HEXB: variants seen among roughly 807,000 people sequenced by gnomAD.
HEXB encodes beta-hexosaminidase subunit beta.
Under a neutral mutation model 71.2 loss-of-function variants are expected in HEXB, and 51 were observed. That is an observed-to-expected ratio of 0.72 (90% CI 0.57 to 0.90). The LOEUF (loss-of-function observed/expected upper bound fraction) is 0.90. HEXB is among the 40% of genes least tolerant of loss of function. The pLI, the probability that HEXB is intolerant of heterozygous loss-of-function variation, is 0.00. For synonymous variants in HEXB, 266 were observed against 249.3 expected, an observed-to-expected ratio of 1.07 and a Z score of -0.63; for missense variants, 617 against 677.0, an observed-to-expected ratio of 0.91 and a Z score of 0.98.
intron 6 of HEXB, among the ~76,000 whole-genome samples, chr5:74,709,907 A>G (rs1749497171): frequency 6.6e-6 from 1 of 151,914 alleles, no homozygotes; most frequent in Non-Finnish European, 1.5e-5. Flanking sequence ...AATCAATAGA[A>G]AAAGAGGGAA....
upstream of HEXB, among the ~76,000 whole-genome samples, chr5:74,681,470 G>T (rs1748738200): frequency 6.6e-6 from 1 of 152,144 alleles, no homozygotes; most frequent in Non-Finnish European, 1.5e-5. Context: ...TAGGCCTGTA[G>T]TACTAACTAT....
chr5:74,718,494 T>A, intron 10 of HEXB, 131 bp downstream of exon 10: 1 of 789,402 alleles, frequency 1.3e-6, no homozygotes, highest in African/African-American at 1.7e-5. Context: ...TTGGACCTCA[T>A]AGTTCCAAGC....
chr5:74,680,477 T>A (rs1234789373), upstream of HEXB, among the ~76,000 whole-genome samples: 1 of 152,206 alleles, frequency 6.6e-6, no homozygotes, highest in Non-Finnish European at 1.5e-5. Flanking sequence ...ATCCTAGGAA[T>A]CTCACCCACA....
At chr5:74,674,184 G>T (rs1264402093) in intron 1 of HEXB, among the ~76,000 whole-genome samples, 1 of 152,164 alleles carries the variant, frequency 6.6e-6, no homozygotes. Context: ...TTTTGAGAAG[G>T]GTACATTTGA....
chr5:74,645,104 T>C (rs533656100), intron 1 of HEXB, among the ~76,000 whole-genome samples: 13 of 152,236 alleles, frequency 8.5e-5, no homozygotes, highest in African/African-American at 3.1e-4. Flanking sequence ...TGCATCCGAA[T>C]TGGTTTGATC....
intron 1 of HEXB, among the ~76,000 whole-genome samples, chr5:74,661,513 CTGTGTGTGTGTG>C (rs1179218651): frequency 0.053 from 4,485 of 84,756 alleles, 127 homozygotes; most frequent in East Asian, 0.14. Context: ...TTCTCTCTCT[CTGTGTGTGTGTG>C]TGTGTGTGTG....
intron 7 of HEXB, 78 bp downstream of exon 7, chr5:74,713,713 G>T (rs938036830): frequency 2.5e-6 from 3 of 1,188,008 alleles, no homozygotes; most frequent in Non-Finnish European, 3.7e-6. Context: ...ACCCAGGCTG[G>T]AGTGCAGTAG....
In HEXB at chr5:74,652,736, T is replaced by C. The variant is rs1748143149; in HGVS notation, c.-377+12178T>C. On this transcript the variant is annotated intron_variant, in intron 1 of 13. Transcript: ENST00000511181. This position sits in a 1 kb window ranked among gnomAD's most constrained non-coding sequence, Gnocchi z 5.4. ...TCAGGGATAGAGGCTCATCTGGTCC[T>C]CCCACATCTGCCCACAGCACCAGCT... Among the ~76,000 whole-genome samples, 1 of 152,100 alleles carries C rather than the reference T, an allele frequency of 6.6e-6. No individual in the cohort carries two copies. The highest frequency in any genetic ancestry group is 2.1e-4 in the South Asian group (1 of 4,810).
At chr5:74,665,042 G>A (rs909798461) in intron 1 of HEXB, among the ~76,000 whole-genome samples, 2 of 151,950 alleles carry the variant, frequency 1.3e-5, no homozygotes, top group African/African-American at 2.4e-5. Flanking sequence ...ACGAATCAGA[G>A]GTCTACAAAA....
At chr5:74,708,780 A>C in intron 6 of HEXB, among the ~76,000 whole-genome samples, 1 of 151,346 alleles carries the variant, frequency 6.6e-6, no homozygotes, top group East Asian at 1.9e-4. Flanking sequence ...AGGAGCACCC[A>C]GATTCATAAA....
At chr5:74,709,210 T>G (rs1348260986) in intron 6 of HEXB, among the ~76,000 whole-genome samples, 1 of 152,032 alleles carries the variant, frequency 6.6e-6, no homozygotes, top group African/African-American at 2.4e-5. Context: ...CATAACGAAA[T>G]GAAGGCAGAA....
intron 9 of HEXB, 21 bp from the exon 10 acceptor site, chr5:74,718,270 A>G (rs374166655): frequency 4.2e-6 from 6 of 1,420,496 alleles, no homozygotes; most frequent in African/African-American, 4.2e-5. Context: ...TAAAATAACT[A>G]TAATTTTTTT....
rs959458637 is a variant in HEXB, at chr5:74,652,891, C to T, written c.-377+12333C>T. Among the ~76,000 whole-genome samples, 5 of 152,204 alleles carry T rather than the reference C, an allele frequency of 3.3e-5. No homozygotes were observed. Among genetic ancestry groups the T allele is most frequent in the Non-Finnish European group, 7.3e-5 (5 of 68,048 alleles). ...CCTCTTGGGCGACTACACACATCTA[C>T]GCTAGTGACACATATCCCTTTATAT... On this transcript the variant is annotated intron_variant, in intron 1 of 13. Coordinates refer to the HEXB transcript ENST00000511181. This position sits in a 1 kb window ranked among gnomAD's most constrained non-coding sequence, Gnocchi z 5.4.
chr5:74,709,223 A>G (rs1028172536), intron 6 of HEXB, among the ~76,000 whole-genome samples: 8 of 152,244 alleles, frequency 5.3e-5, no homozygotes, highest in Admixed American at 1.3e-4. Context: ...AGGCAGAAAT[A>G]AAGATATTCT....
chr5:74,678,252 C>T (rs1252618560), intron 1 of HEXB, among the ~76,000 whole-genome samples: 2 of 151,838 alleles, frequency 1.3e-5, no homozygotes, highest in East Asian at 1.9e-4. Context: ...GAGCTGAGAT[C>T]GTGCCATTGC....
At chr5:74,705,183 C>A in intron 5 of HEXB, 36 bp from the exon 6 acceptor site, 1 of 1,120,988 alleles carries the variant, frequency 8.9e-7, no homozygotes, top group Non-Finnish European at 1.4e-6. Context: ...TATATGATAT[C>A]TGCAGTAAAT....
rs138058784 is a variant in HEXB at position 74,641,253 on chromosome 5, T to G, written c.-377+695T>G. 1 of 152,548 alleles carries G rather than the reference T, an allele frequency of 6.6e-6. No individual in the cohort carries two copies. The allele number at this position is 152,548 out of a possible 1,614,324, so 9.4% of individuals were successfully genotyped here. The stretch of plus-strand genomic sequence containing the variant: ...GTAGGACACCCAGAGTGGGGAGAGA[T>G]AGTGGCAATGGACGGGCAAAAGTCT... On this transcript the variant is annotated intron_variant, in intron 1 of 13. Coordinates refer to the HEXB transcript ENST00000511181. The surrounding 1 kb of genome is among the most constrained non-coding windows in gnomAD (Gnocchi z 4.1).
chr5:74,684,319 C>G (rs760882518), upstream of HEXB, among the ~76,000 whole-genome samples: 1 of 152,226 alleles, frequency 6.6e-6, no homozygotes, highest in Non-Finnish European at 1.5e-5. Flanking sequence ...GTTATGAAAT[C>G]AAACTTGTCA....
chr5:74,651,294 T>C (rs1267281714), intron 1 of HEXB, among the ~76,000 whole-genome samples: 2 of 152,224 alleles, frequency 1.3e-5, no homozygotes, highest in Non-Finnish European at 2.9e-5. Context: ...ACCTCTGTCT[T>C]TTCACCACTG....
Sources: allele counts gnomAD v4.1 joint callset (sites outside exome capture counted in the v4.1 genomes callset), GRCh38; gene constraint gnomAD v4.1.1; non-coding constraint Gnocchi (gnomAD v3.1); transcripts MANE v1.5; gene names NCBI Gene and HGNC (gene_info 2026-07-23, HGNC 2026-07-21).